Variants in SH3D19 observed in about 807,000 individuals in gnomAD.
The protein encoded by SH3D19 is SH3 domain-containing protein 19.
In SH3D19, 58 loss-of-function variants were observed where a neutral mutation model predicts 112.1. The ratio of observed to expected loss-of-function variants is 0.52; its 90% CI spans 0.42 to 0.64. The LOEUF (loss-of-function observed/expected upper bound fraction) is 0.64, where lower values mean the gene tolerates loss of function less well. Ranked by LOEUF, SH3D19 falls within the 30% of genes least tolerant of loss-of-function variation. SH3D19 has a pLI of 0.00. For synonymous variants in SH3D19, 391 were observed against 448.5 expected (o/e 0.87, Z 1.62); for missense variants, 1,090 against 1,263.4 (o/e 0.86, Z 2.08).
At chr4:151,143,333 G>C (rs1753351907) in intron 12 of SH3D19, among the ~76,000 whole-genome samples, 1 of 151,956 alleles carries the variant, frequency 6.6e-6, no homozygotes, top group Non-Finnish European at 1.5e-5. Flanking sequence ...TGTTCTGAAA[G>C]AGGAAGGACA....
intron 16 of SH3D19, 35 bp downstream of exon 16, chr4:151,132,999 G>T: frequency 6.6e-7 from 1 of 1,523,588 alleles, no homozygotes; most frequent in Non-Finnish European, 9.0e-7. Context: ...TTTGAATTAG[G>T]ACATAACATA....
intron 2 of SH3D19, among the ~76,000 whole-genome samples, chr4:151,206,428 T>C (rs1765123398): frequency 6.6e-6 from 1 of 152,196 alleles, no homozygotes; most frequent in South Asian, 2.1e-4. Context: ...AGACAAGCAA[T>C]ACACTTCCCT....
intron 1 of SH3D19, among the ~76,000 whole-genome samples, chr4:151,240,217 T>C (rs1481617792): frequency 1.3e-5 from 2 of 149,480 alleles, no homozygotes; most frequent in African/African-American, 5.1e-5. Flanking sequence ...CCAGCTTGGG[T>C]AAGATGGCGA....
At chr4:151,218,404 C>A (rs780859060) in intron 2 of SH3D19, among the ~76,000 whole-genome samples, 12 of 151,924 alleles carry the variant, frequency 7.9e-5, no homozygotes, top group Admixed American at 2.6e-4. Flanking sequence ...AATTATGAAA[C>A]TATGCAGAGT....
chr4:151,222,201 T>C (rs1768170185), intron 2 of SH3D19, among the ~76,000 whole-genome samples: 1 of 152,240 alleles, frequency 6.6e-6, no homozygotes, highest in Non-Finnish European at 1.5e-5. Flanking sequence ...AGGTGCATTC[T>C]GTCCTCCCTC....
intron 1 of SH3D19, among the ~76,000 whole-genome samples, chr4:151,293,824 A>G (rs1775523063): frequency 6.6e-6 from 1 of 152,160 alleles, no homozygotes; most frequent in South Asian, 2.1e-4. Flanking sequence ...CATTTGGCTC[A>G]CTTTCCAGCC....
At chr4:151,153,298 A>C (rs1755426952) in intron 9 of SH3D19, among the ~76,000 whole-genome samples, 1 of 151,942 alleles carries the variant, frequency 6.6e-6, no homozygotes. Context: ...TCCAGGCTGG[A>C]GTACAGTGGC....
At chr4:151,138,684 TCTCA>T (rs67201424) in intron 13 of SH3D19, among the ~76,000 whole-genome samples, 20,722 of 135,594 alleles carry the variant, frequency 0.15, 1,976 homozygotes, top group Middle Eastern at 0.26. Flanking sequence ...CAAGATCTTG[TCTCA>T]CACACACACA....
At chr4:151,162,174 GGT>G (rs1190175301) in intron 8 of SH3D19, among the ~76,000 whole-genome samples, 1 of 130,826 alleles carries the variant, frequency 7.6e-6, no homozygotes, top group Non-Finnish European at 1.6e-5. Context: ...AACAGGCCCC[GGT>G]GTGTGATATT....
At chr4:151,196,295 C>T (rs1423913910) in intron 2 of SH3D19, among the ~76,000 whole-genome samples, 3 of 152,074 alleles carry the variant, frequency 2.0e-5, no homozygotes, top group African/African-American at 7.2e-5. Context: ...TGTGGTGGTG[C>T]GTGCCTGCCT....
intron 19 of SH3D19, among the ~76,000 whole-genome samples, chr4:151,124,381 A>G (rs1486648381): frequency 6.6e-6 from 1 of 150,886 alleles, no homozygotes; most frequent in African/African-American, 2.4e-5. Flanking sequence ...TGCTGGGATT[A>G]CAGCCGTGAG....
chr4:151,128,433 T>A, intron 17 of SH3D19, 77 bp from the exon 18 acceptor site: 1 of 1,292,426 alleles, frequency 7.7e-7, no homozygotes. Context: ...TAAAAAGTAG[T>A]GGGGAAAAAA....
At chr4:151,155,340 A>G (rs1196323878) in intron 9 of SH3D19, among the ~76,000 whole-genome samples, 1 of 152,224 alleles carries the variant, frequency 6.6e-6, no homozygotes, top group Non-Finnish European at 1.5e-5. Context: ...GAAAATCACA[A>G]GTGATCACTA....
intron 9 of SH3D19, among the ~76,000 whole-genome samples, chr4:151,150,387 A>G (rs1327753247): frequency 6.7e-6 from 1 of 149,810 alleles, no homozygotes; most frequent in Non-Finnish European, 1.5e-5. Context: ...GTGATCACAC[A>G]TAAGAAACAC....
chr4:151,176,470 G>T (rs1030436263), intron 6 of SH3D19, 64 bp downstream of exon 6: 47 of 1,195,766 alleles, frequency 3.9e-5, no homozygotes, highest in Non-Finnish European at 4.5e-5. Flanking sequence ...TTAAAGGCTG[G>T]AAGCCTACGG....
chr4:151,315,711 G>A (rs1026444389), intron 1 of SH3D19, among the ~76,000 whole-genome samples: 5 of 151,968 alleles, frequency 3.3e-5, no homozygotes, highest in African/African-American at 1.2e-4. Flanking sequence ...CATCTACTTG[G>A]GAGGCAGAGG....
chr4:151,279,945 C>T (rs1398817837), intron 1 of SH3D19: 3 of 1,598,094 alleles, frequency 1.9e-6, no homozygotes, highest in Non-Finnish European at 2.6e-6. Flanking sequence ...GACAGCAGCA[C>T]ACTGCATACA....
At chr4:151,184,188 G>A (rs544116343) in intron 3 of SH3D19, among the ~76,000 whole-genome samples, 1 of 152,088 alleles carries the variant, frequency 6.6e-6, no homozygotes, top group Non-Finnish European at 1.5e-5. Context: ...GACTGGAACC[G>A]GAATCATTAT....
rs1369421914 is a variant in SH3D19, at chr4:151,174,731, A to G, written c.1473T>C (p.Asp491=). 3.3e-6 allele frequency: 5 copies of G among 1,517,362 alleles called. No individual in the cohort carries two copies. Among genetic ancestry groups the G allele is most frequent in the East Asian group, 2.3e-5 (1 of 43,936 alleles). 94.0% of individuals were successfully genotyped at this position (1,517,362 alleles called of 1,614,324 possible). The stretch of plus-strand genomic sequence containing the variant: ...GGTTCCCCGATGGGGTGGGCAAAAC[A>G]TCATCATCAAAGCTGATGAGATCGA... ...VDIDLISFDD[D]VLPTPSGNLA... The change falls in exon 7 of 20, where the codon GAT becomes GAC. Residue 491 remains aspartate, a synonymous_variant. Transcript: ENST00000604030.
Sources: gnomAD v4.1 joint callset for allele counts (sites outside exome capture counted in the v4.1 genomes callset) on GRCh38, gnomAD v4.1.1 for gene constraint, MANE v1.5 for transcripts, NCBI Gene and HGNC (gene_info 2026-07-23, HGNC 2026-07-21) for gene names.